Variants in RAB4A observed in about 807,000 individuals in gnomAD.
RAB4A encodes the protein ras-related protein Rab-4A.
In RAB4A, 20 loss-of-function variants were observed where a neutral mutation model predicts 34.5. The ratio of observed to expected loss-of-function variants is 0.58; its 90% confidence interval spans 0.41 to 0.84. RAB4A has a LOEUF of 0.84. RAB4A is among the 40% of genes least tolerant of loss of function. The probability of loss-of-function intolerance (pLI) is 0.00; values close to 1 mark genes in which losing one functional copy is unlikely to be tolerated. For synonymous variants in RAB4A, 102 were observed against 100.0 expected, an observed-to-expected ratio of 1.02 and a Z score of -0.12; for missense variants, 228 against 274.5, an observed-to-expected ratio of 0.83 and a Z score of 1.20.
chr1:229,301,868 C>T (rs1167230092), intron 6 of RAB4A, among the ~76,000 whole-genome samples: 1 of 151,676 alleles, frequency 6.6e-6, no homozygotes, highest in East Asian at 1.9e-4. Flanking sequence ...ACATATAATA[C>T]ATAAGGTACA....
intron 6 of RAB4A, among the ~76,000 whole-genome samples, chr1:229,301,904 A>C (rs922687530): frequency 6.6e-6 from 1 of 151,846 alleles, no homozygotes; most frequent in South Asian, 2.1e-4. Context: ...GTCATACATA[A>C]TGTGTGTGTG....
At position 229,271,283 on chromosome 1, in the gene RAB4A, G is replaced by A; in HGVS notation, c.-57G>A. 3.0e-6 allele frequency: 4 copies of A among 1,320,688 alleles called. No individual in the cohort carries two copies. The highest frequency in any genetic ancestry group is 3.5e-5 in the Admixed American group (1 of 28,784). The allele number at this position is 1,320,688 out of a possible 1,614,324, so 81.8% of individuals were successfully genotyped here. ...AGGTCCTTCCCCACCGAGACGCGCC[G>A]GCGGACCGCGGGCGAGTGCAGCCGG... On this transcript the variant is annotated 5_prime_UTR_variant, in exon 1 of 8. Coordinates refer to ENST00000366690, the MANE Select transcript of RAB4A (RefSeq NM_004578.4).
chr1:229,303,667 T>G (rs1171288344), intron 7 of RAB4A, 139 bp from the exon 8 acceptor site: 3 of 152,358 alleles, frequency 2.0e-5, no homozygotes, highest in Non-Finnish European at 4.4e-5. Flanking sequence ...GACGTTTTAT[T>G]TATAGTCGAC....
intron 3 of RAB4A, among the ~76,000 whole-genome samples, chr1:229,290,116 G>C (rs774791414): frequency 1.3e-5 from 2 of 152,184 alleles, no homozygotes; most frequent in African/African-American, 4.8e-5. Flanking sequence ...ACTGTAATGG[G>C]GGAAGCCATT....
At chr1:229,303,056 T>G in intron 7 of RAB4A, 67 bp downstream of exon 7, 1 of 1,156,570 alleles carries the variant, frequency 8.6e-7, no homozygotes. Context: ...GTTAAAGCTT[T>G]GGGAAGCTGC....
chr1:229,305,211 T>C lies in RAB4A; in HGVS notation c.*1418T>C. 6.2e-7 allele frequency: 1 copy of C among 1,609,966 alleles called. No individual in the cohort carries two copies. Among genetic ancestry groups the C allele is most frequent in the Non-Finnish European group, 8.5e-7 (1 of 1,178,202 alleles). On this transcript the variant is annotated 3_prime_UTR_variant, in exon 8 of 8. Coordinates refer to ENST00000366690, the MANE Select transcript of RAB4A (RefSeq NM_004578.4). ...TGCTTTTTTTATGCCTTGAATATTTTATTTCAAAAAGTATCTGAAGCAAAT... is the reference window on the plus strand; with the variant it reads ...TGCTTTTTTTATGCCTTGAATATTTCATTTCAAAAAGTATCTGAAGCAAAT...
intron 5 of RAB4A, 39 bp downstream of exon 5, chr1:229,297,675 A>G (rs763658726): frequency 2.0e-6 from 3 of 1,505,340 alleles, no homozygotes; most frequent in East Asian, 2.3e-5. Context: ...TTCAAATCGC[A>G]TATTTGAGGA....
intron 2 of RAB4A, 26 bp from the exon 3 acceptor site, chr1:229,288,703 A>T: frequency 8.5e-7 from 1 of 1,182,942 alleles, no homozygotes; most frequent in Non-Finnish European, 1.2e-6. Flanking sequence ...AAAATTAAAT[A>T]TGCTGTTCTT....
intron 1 of RAB4A, among the ~76,000 whole-genome samples, chr1:229,271,685 A>C (rs936886794): frequency 6.6e-6 from 1 of 152,180 alleles, no homozygotes; most frequent in African/African-American, 2.4e-5. Context: ...TCTAATGTAA[A>C]TAACTGAAGG....
chr1:229,289,797 C>G (rs972045037), intron 3 of RAB4A, among the ~76,000 whole-genome samples: 3 of 152,162 alleles, frequency 2.0e-5, no homozygotes, highest in Non-Finnish European at 4.4e-5. Context: ...GCCTGGGCAA[C>G]AAGAGCAAAA....
At chr1:229,273,116 A>T (rs1272690606) in intron 1 of RAB4A, among the ~76,000 whole-genome samples, 1 of 152,238 alleles carries the variant, frequency 6.6e-6, no homozygotes, top group South Asian at 2.1e-4. Context: ...CACTAGGGGA[A>T]GGGTGGAATG....
chr1:229,275,040 C>T (rs1656604510), intron 1 of RAB4A, among the ~76,000 whole-genome samples: 1 of 152,142 alleles, frequency 6.6e-6, no homozygotes, highest in Non-Finnish European at 1.5e-5. Flanking sequence ...AAAAATGTAT[C>T]ATTTTAGGCT....
rs1656454802 is a variant in RAB4A, at chr1:229,271,213, C to T, written c.-127C>T. Reference sequence around the variant, plus strand: ...GCAGCCGCTGGGAGACCGGCGGTTGCCGTGGGGACCGGTCGGGCCCCTCCC... The same window carrying T: ...GCAGCCGCTGGGAGACCGGCGGTTGTCGTGGGGACCGGTCGGGCCCCTCCC... On this transcript the variant is annotated 5_prime_UTR_variant, in exon 1 of 8. Transcript: ENST00000366690. 1.0e-6 allele frequency: 1 copy of T among 976,318 alleles called. No homozygotes were observed. Among genetic ancestry groups the T allele is most frequent in the East Asian group, 3.6e-5 (1 of 27,672 alleles). 60.5% of individuals were successfully genotyped at this position (976,318 alleles called of 1,614,324 possible).
At chr1:229,295,758 C>T (rs1231795566) in intron 3 of RAB4A, 90 bp from the exon 4 acceptor site, 2 of 1,264,580 alleles carry the variant, frequency 1.6e-6, no homozygotes, top group African/African-American at 2.9e-5. Flanking sequence ...TTGTGGTTTA[C>T]AAAGCAAGCA....
At chr1:229,290,284 C>T (rs959073708) in intron 3 of RAB4A, among the ~76,000 whole-genome samples, 1 of 152,128 alleles carries the variant, frequency 6.6e-6, no homozygotes, top group South Asian at 2.1e-4. Flanking sequence ...CACCTGAGGG[C>T]ATGGGGTCAG....
chr1:229,276,025 A>G (rs1432906149), intron 1 of RAB4A, among the ~76,000 whole-genome samples: 1 of 151,420 alleles, frequency 6.6e-6, no homozygotes, highest in Non-Finnish European at 1.5e-5. Context: ...TTCATGAAAG[A>G]TGGAACAGGT....
intron 5 of RAB4A, among the ~76,000 whole-genome samples, chr1:229,298,186 T>C (rs1180752995): frequency 6.6e-6 from 1 of 152,220 alleles, no homozygotes; most frequent in Non-Finnish European, 1.5e-5. Flanking sequence ...TCAGACATTT[T>C]AAATAACTTT....
intron 1 of RAB4A, among the ~76,000 whole-genome samples, chr1:229,277,529 C>T (rs1013667291): frequency 1.3e-5 from 2 of 151,350 alleles, no homozygotes; most frequent in Non-Finnish European, 2.9e-5. Flanking sequence ...AAGTACATGT[C>T]ATCTTATATT....
chr1:229,279,777 G>T (rs915754751), intron 1 of RAB4A, among the ~76,000 whole-genome samples: 4 of 152,056 alleles, frequency 2.6e-5, no homozygotes, highest in South Asian at 4.1e-4. Flanking sequence ...TCTGTTTTGG[G>T]GTGTGGTCTT....
Sources: allele counts gnomAD v4.1 joint callset (sites outside exome capture counted in the v4.1 genomes callset), GRCh38; gene constraint gnomAD v4.1.1; transcripts MANE v1.5; gene names NCBI Gene and HGNC (gene_info 2026-07-23, HGNC 2026-07-21).